Variants in HMGA2 observed in about 807,000 individuals in gnomAD.
HMGA2 encodes high mobility group AT-hook 2.
In HMGA2, 8 loss-of-function variants were observed where a neutral mutation model predicts 19.1. The observed-to-expected ratio is 0.42, with a 90% CI of 0.25 to 0.76. The LOEUF is 0.76. Ranked by LOEUF, HMGA2 falls within the 30% of genes least tolerant of loss-of-function variation. The pLI is 0.28. For synonymous variants in HMGA2, 60 were observed against 48.8 expected (o/e 1.23, Z -0.96); for missense variants, 109 against 136.3 (o/e 0.80, Z 1.00).
chr12:65,899,008 C>G (rs916345286), intron 3 of HMGA2, among the ~76,000 whole-genome samples: 5 of 135,196 alleles, frequency 3.7e-5, no homozygotes, highest in African/African-American at 1.4e-4. Flanking sequence ...CGTGCCACGG[C>G]ACTCCAGCCT....
intron 3 of HMGA2, among the ~76,000 whole-genome samples, chr12:65,894,099 G>T (rs547513684): frequency 6.6e-6 from 1 of 152,242 alleles, no homozygotes; most frequent in South Asian, 2.1e-4. Flanking sequence ...CCAACTTATC[G>T]TGAGCCTGGT....
rs574015801 is a variant in HMGA2 at position 65,954,482 on chromosome 12, A to T, written c.282+3067A>T. The T allele has an allele frequency of 2.0e-5, 3 of 152,310 alleles. No homozygotes were observed. In the East Asian group the frequency reaches 5.8e-4, roughly 29 times the overall value. The allele number at this position is 152,310 out of a possible 1,614,324, so 9.4% of individuals were successfully genotyped here. A position where few individuals can be genotyped will look rare whatever the true frequency, so the allele number is the denominator to read the frequency against. ...AGGCTCTGTGGTGAAGTATCCTCAT[A>T]CTGCCCAATGCTGAAGTCTCCTCAG... On this transcript the variant is annotated intron_variant, in intron 4 of 4. Coordinates refer to ENST00000403681, the MANE Select transcript of HMGA2 (RefSeq NM_003483.6).
chr12:65,915,165 G>A, intron 3 of HMGA2: 2 of 1,612,304 alleles, frequency 1.2e-6, no homozygotes, highest in East Asian at 2.2e-5. Context: ...AGCTCTTCAT[G>A]TTATTTTCAC....
At chr12:65,858,919 A>T (rs889766037) in intron 3 of HMGA2, 3 of 152,240 alleles carry the variant, frequency 2.0e-5, no homozygotes, top group African/African-American at 7.2e-5. Flanking sequence ...CTTAAAAGTC[A>T]TAAAAGGGAA....
At position 65,838,509 on chromosome 12, in the gene HMGA2, T is replaced by C; in HGVS notation, c.199-10T>C. 1.2e-6 allele frequency: 2 copies of C among 1,608,732 alleles called. No homozygotes were observed. Among genetic ancestry groups the C allele is most frequent in the Non-Finnish European group, 1.7e-6 (2 of 1,175,690 alleles). On this transcript the variant is annotated splice_polypyrimidine_tract_variant and intron_variant, in intron 2 of 4. Transcript: ENST00000403681. ...TAGAAAACTATAATGACTTCCTTTT[T>C]CATTTGCAGAAAGCAGAAGCCACTG...
At chr12:65,949,278 TAA>T (rs898850379) in intron 3 of HMGA2, among the ~76,000 whole-genome samples, 2 of 143,750 alleles carry the variant, frequency 1.4e-5, no homozygotes, top group African/African-American at 5.1e-5. Flanking sequence ...TCTGTCCATC[TAA>T]AAAAAAAAAG....
intron 3 of HMGA2, among the ~76,000 whole-genome samples, chr12:65,874,440 T>C (rs1385220654): frequency 6.6e-6 from 1 of 152,176 alleles, no homozygotes; most frequent in East Asian, 1.9e-4. Context: ...TTTTCAGTGG[T>C]AACGAATTAC....
intron 3 of HMGA2, among the ~76,000 whole-genome samples, chr12:65,928,872 T>C (rs1875609244): frequency 6.6e-6 from 1 of 152,202 alleles, no homozygotes; most frequent in South Asian, 2.1e-4. Flanking sequence ...GCTGTATTTA[T>C]ATCCGTATAA....
chr12:65,881,706 A>C, intron 3 of HMGA2: 1 of 701,572 alleles, frequency 1.4e-6, no homozygotes. Context: ...GCTGAAGGAG[A>C]GCTTCACTCA....
chr12:65,958,748 A>G (rs1876669200), intron 4 of HMGA2: 1 of 152,124 alleles, frequency 6.6e-6, no homozygotes, highest in Admixed American at 6.5e-5. Flanking sequence ...CCCTTTCTAG[A>G]TTACCAAGTA....
At chr12:65,836,798 C>A (rs1870748311) in intron 2 of HMGA2, among the ~76,000 whole-genome samples, 2 of 152,172 alleles carry the variant, frequency 1.3e-5, no homozygotes, top group South Asian at 4.1e-4. Flanking sequence ...TTCAGAGTGT[C>A]CAAATCAGAT....
chr12:65,898,576 CAT>C (rs1412449744), intron 3 of HMGA2, among the ~76,000 whole-genome samples: 1 of 152,038 alleles, frequency 6.6e-6, no homozygotes, highest in Non-Finnish European at 1.5e-5. Context: ...ATGTTTCAAA[CAT>C]ATGGTTATAG....
At position 65,825,337 on chromosome 12, in the gene HMGA2, G is replaced by A; in HGVS notation, c.67G>A (p.Ala23Thr). The stretch of plus-strand genomic sequence containing the variant: ...AGCCCAGGGACAACCTGCCGCCCCA[G>A]CGCCTCAGAAGAGAGGACGCGGCCG... ...TSAQGQPAAP[A>T]PQKRGRGRPR... The change falls in exon 1 of 5, where the codon GCG (alanine) becomes ACG (threonine). Residue 23 changes from alanine to threonine, a missense_variant. Physicochemically the swap from Ala to Thr is moderately conservative, Grantham distance 58. Coordinates refer to ENST00000403681, the MANE Select transcript of HMGA2 (RefSeq NM_003483.6). The surrounding 1 kb of genome is among the most constrained non-coding windows in gnomAD (Gnocchi z 4.4). 1 of 1,538,832 alleles carries A rather than the reference G, an allele frequency of 6.5e-7. No homozygotes were observed. The highest frequency in any genetic ancestry group is 8.7e-7 in the Non-Finnish European group (1 of 1,146,222).
Position 65,847,109 on chromosome 12 carries a change from T to C in HMGA2, c.249+8540T>C, listed in dbSNP as rs184714530. 7.2e-4 allele frequency among the ~76,000 whole-genome samples: 109 copies of C among 152,320 alleles called. 1 individual carries two copies. Among genetic ancestry groups the C allele is most frequent in the Non-Finnish European group, 9.7e-4 (66 of 68,020 alleles). ...ATATATATACACACACACACTTATA[T>C]ATGATATATGAATTGGTTGTGCTAT... On this transcript the variant is annotated intron_variant, in intron 3 of 4. Coordinates refer to ENST00000403681, the MANE Select transcript of HMGA2 (RefSeq NM_003483.6).
intron 3 of HMGA2, among the ~76,000 whole-genome samples, chr12:65,888,378 C>A (rs1471792223): frequency 6.6e-6 from 1 of 151,162 alleles, no homozygotes; most frequent in Non-Finnish European, 1.5e-5. Context: ...TTGCTTGAAC[C>A]CGGTAGGTGG....
At chr12:65,927,795 C>T (rs991577821) in intron 3 of HMGA2, among the ~76,000 whole-genome samples, 3 of 150,374 alleles carry the variant, frequency 2.0e-5, no homozygotes, top group Admixed American at 6.7e-5. Flanking sequence ...GCTTATTGGT[C>T]TGTCTCTTTC....
chr12:65,960,050 T>A (rs1475119398), intron 4 of HMGA2, among the ~76,000 whole-genome samples: 1 of 152,074 alleles, frequency 6.6e-6, no homozygotes, highest in Non-Finnish European at 1.5e-5. Context: ...CCACCACGCC[T>A]GGCTAATTTT....
rs182389581 is a variant in HMGA2 at position 65,836,228 on chromosome 12, A to G, written c.199-2291A>G. Among the ~76,000 whole-genome samples the G allele has an allele frequency of 8.3e-4, 127 of 152,172 alleles. 1 individual carries two copies. The East Asian group carries it at 0.016, about 19-fold the overall frequency. On this transcript the variant is annotated intron_variant, in intron 2 of 4. Coordinates refer to ENST00000403681, the MANE Select transcript of HMGA2 (RefSeq NM_003483.6). ...CAAAAAATTAGCCGGGTGTGGTGGC[A>G]GGCGCCTGTAGTCCCAGCTACTTGA...
intron 3 of HMGA2, among the ~76,000 whole-genome samples, chr12:65,912,612 T>A (rs746824997): frequency 6.6e-6 from 1 of 152,200 alleles, no homozygotes; most frequent in Non-Finnish European, 1.5e-5. Flanking sequence ...GTGATTCACA[T>A]TGAAGTTAAA....
Sources: gnomAD v4.1 joint callset for allele counts (sites outside exome capture counted in the v4.1 genomes callset) on GRCh38, gnomAD v4.1.1 for gene constraint, Gnocchi (gnomAD v3.1) non-coding constraint, MANE v1.5 for transcripts, NCBI Gene and HGNC (gene_info 2026-07-23, HGNC 2026-07-21) for gene names.